Variants in TNPO1 observed in about 807,000 individuals in gnomAD.
TNPO1 encodes transportin-1.
TNPO1 carries 8 observed loss-of-function variants against 119.5 expected under a neutral mutation model. That is an observed-to-expected ratio of 0.07 (90% CI 0.04 to 0.12). The LOEUF (loss-of-function observed/expected upper bound fraction) is 0.12, where lower values mean the gene tolerates loss of function less well. Ranked by LOEUF, TNPO1 falls within the 10% of genes least tolerant of loss-of-function variation. The probability of loss-of-function intolerance (pLI) is 1.00; values close to 1 mark genes in which losing one functional copy is unlikely to be tolerated. For synonymous variants in TNPO1, 362 were observed against 363.0 expected (o/e 1.00, Z 0.03); for missense variants, 576 against 1,089.8 (o/e 0.53, Z 6.64).
intron 14 of TNPO1, among the ~76,000 whole-genome samples, chr5:72,890,894 C>T (rs62363387): frequency 0.18 from 27,903 of 151,970 alleles, 2,926 homozygotes; most frequent in African/African-American, 0.27. Flanking sequence ...CACTCTGTCA[C>T]CTAGGCTAGA....
chr5:72,898,275 T>G (rs1323915547), intron 20 of TNPO1, among the ~76,000 whole-genome samples: 1 of 152,162 alleles, frequency 6.6e-6, no homozygotes, highest in Non-Finnish European at 1.5e-5. Context: ...AATGCTTAAC[T>G]GCAAATAAAT....
chr5:72,890,233 T>C (rs1748945214), intron 14 of TNPO1, among the ~76,000 whole-genome samples: 1 of 152,228 alleles, frequency 6.6e-6, no homozygotes, highest in East Asian at 1.9e-4. Flanking sequence ...AAAAAGTTTT[T>C]ATAATCTGGA....
chr5:72,848,074 G>A, intron 1 of TNPO1: 4 of 1,095,896 alleles, frequency 3.6e-6, no homozygotes, highest in Non-Finnish European at 4.5e-6. Flanking sequence ...CTAGGACCCA[G>A]GGGGCTCCCG....
chr5:72,872,131 C>T (rs1359205049), intron 6 of TNPO1, among the ~76,000 whole-genome samples: 2 of 151,970 alleles, frequency 1.3e-5, no homozygotes, highest in Non-Finnish European at 2.9e-5. Flanking sequence ...TTTCATTAAC[C>T]CTGGTAAGAG....
rs759853900 is a variant in TNPO1 at position 72,900,109 on chromosome 5, AT to A, written c.2414+30del. On this transcript the variant is annotated intron_variant, in intron 21 of 24. Transcript: ENST00000337273. Reference sequence around the variant, plus strand: ...GTGTATTATTCAATCTTTTTTTTTAATTCATTTTTCTTCACTCTTTCTTTCT... The same window carrying A: ...GTGTATTATTCAATCTTTTTTTTTAATCATTTTTCTTCACTCTTTCTTTCT... 13 of 1,577,646 alleles carry A rather than the reference AT, an allele frequency of 8.2e-6. No homozygotes were observed. In the Admixed American group the frequency reaches 8.5e-5, roughly 10 times the overall value.
At chr5:72,827,579 AG>A (rs527331164) in intron 1 of TNPO1, among the ~76,000 whole-genome samples, 7 of 152,220 alleles carry the variant, frequency 4.6e-5, no homozygotes, top group Admixed American at 4.6e-4. Context: ...AAGGAAATCA[AG>A]GGAAATAAGG....
chr5:72,819,624 A>G (rs1347837070), intron 1 of TNPO1, among the ~76,000 whole-genome samples: 4 of 152,214 alleles, frequency 2.6e-5, no homozygotes, highest in African/African-American at 9.7e-5. Context: ...GAATATTACA[A>G]CTCAGTACTG....
chr5:72,888,607 CT>C (rs1748825896), intron 13 of TNPO1, among the ~76,000 whole-genome samples: 1 of 152,180 alleles, frequency 6.6e-6, no homozygotes, highest in Non-Finnish European at 1.5e-5. Context: ...GCTGTTTCTT[CT>C]TTGGCTCATT....
intron 3 of TNPO1, among the ~76,000 whole-genome samples, chr5:72,854,685 G>A (rs1451801712): frequency 1.3e-5 from 2 of 152,148 alleles, no homozygotes; most frequent in African/African-American, 2.4e-5. Flanking sequence ...TAAGCATTTC[G>A]AAGATGTTAA....
At chr5:72,898,763 T>C (rs868192381) in intron 20 of TNPO1, among the ~76,000 whole-genome samples, 3 of 152,214 alleles carry the variant, frequency 2.0e-5, no homozygotes, top group African/African-American at 4.8e-5. Context: ...TTAATGAGAA[T>C]GTTGCATAGT....
At chr5:72,817,774 T>C (rs1367206440) in intron 1 of TNPO1, among the ~76,000 whole-genome samples, 1 of 152,224 alleles carries the variant, frequency 6.6e-6, no homozygotes, top group East Asian at 1.9e-4. Flanking sequence ...GAAATGAAGG[T>C]TGTAAAATGG....
chr5:72,900,822 T>C, intron 21 of TNPO1, 152 bp from the exon 22 acceptor site: 1 of 442,264 alleles, frequency 2.3e-6, no homozygotes, highest in South Asian at 7.3e-5. Context: ...AAACAGGAAG[T>C]ATGAGTAAAC....
chr5:72,823,969 C>G (rs1328845772), intron 1 of TNPO1, among the ~76,000 whole-genome samples: 1 of 152,174 alleles, frequency 6.6e-6, no homozygotes, highest in Non-Finnish European at 1.5e-5. Context: ...CAGCTCATGA[C>G]CTTGCTTCCC....
At chr5:72,848,266 G>A in intron 1 of TNPO1, 119 bp from the exon 2 acceptor site, 1 of 1,312,548 alleles carries the variant, frequency 7.6e-7, no homozygotes, top group South Asian at 2.0e-5. Context: ...GCGGCGTTTG[G>A]GGAGCGCTGG....
chr5:72,893,818 C>T, intron 18 of TNPO1, 115 bp downstream of exon 18: 1 of 983,080 alleles, frequency 1.0e-6, no homozygotes, highest in Admixed American at 2.2e-5. Context: ...TATAAATGTA[C>T]ACTTTATTGG....
At chr5:72,875,497 A>G in intron 7 of TNPO1, 118 bp from the exon 8 acceptor site, 3 of 983,770 alleles carry the variant, frequency 3.0e-6, no homozygotes, top group South Asian at 4.1e-5. Flanking sequence ...TTGTAGGCCA[A>G]TTCAGTCAGT....
chr5:72,893,037 A>T, intron 15 of TNPO1, 102 bp from the exon 16 acceptor site: 1 of 843,684 alleles, frequency 1.2e-6, no homozygotes, highest in African/African-American at 1.7e-5. Flanking sequence ...CTAGTAGAGC[A>T]AGCTCATAAA....
At chr5:72,817,195 C>G (rs1054338691) in intron 1 of TNPO1, among the ~76,000 whole-genome samples, 6 of 152,358 alleles carry the variant, frequency 3.9e-5, no homozygotes, top group East Asian at 1.9e-4. Context: ...TTGTCCCGCC[C>G]TGGGCCCCTC....
intron 11 of TNPO1, among the ~76,000 whole-genome samples, chr5:72,884,103 C>T (rs943097182): frequency 2.0e-5 from 3 of 152,106 alleles, no homozygotes; most frequent in African/African-American, 7.2e-5. Context: ...TTGTTGGGGT[C>T]ATATGGTAAC....
Sources: allele counts gnomAD v4.1 joint callset (sites outside exome capture counted in the v4.1 genomes callset), GRCh38; gene constraint gnomAD v4.1.1; transcripts MANE v1.5; gene names NCBI Gene and HGNC (gene_info 2026-07-23, HGNC 2026-07-21).